Variants in MAPK4 observed in about 807,000 individuals in gnomAD.
The protein encoded by MAPK4 is mitogen-activated protein kinase 4.
A neutral mutation model predicts 47.7 loss-of-function variants in MAPK4; 22 were observed. The observed-to-expected ratio is 0.46, with a 90% confidence interval of 0.33 to 0.66. The LOEUF is 0.66. Among genes scored for constraint, MAPK4 ranks in the 30% least tolerant of loss-of-function variants. MAPK4 has a pLI of 0.02. For missense variants in MAPK4, 736 were observed against 831.7 expected (o/e 0.88, Z 1.42); for synonymous variants, 390 against 365.7 (o/e 1.07, Z -0.76).
intron 1 of MAPK4, among the ~76,000 whole-genome samples, chr18:50,580,797 G>A (rs191229450): frequency 6.8e-4 from 104 of 152,246 alleles, no homozygotes; most frequent in African/African-American, 2.4e-3. Context: ...CGCCTCCTCC[G>A]ATACTAGTAA....
chr18:50,659,148 G>T (rs924050658), intron 1 of MAPK4, among the ~76,000 whole-genome samples: 1 of 152,166 alleles, frequency 6.6e-6, no homozygotes, highest in Non-Finnish European at 1.5e-5. Context: ...TTGTTATCTG[G>T]CTCGTTATAG....
chr18:50,607,750 T>G lies in MAPK4; in HGVS notation c.-871+47507T>G, dbSNP rs76019773. Among the ~76,000 whole-genome samples, 485 of 152,372 alleles carry G rather than the reference T, an allele frequency of 3.2e-3. 2 individuals carry two copies. Among genetic ancestry groups the G allele is most frequent in the African/African-American group, 0.011 (475 of 41,594 alleles). ...TTCCATTCTCAGCCATGTTCATGTCTTTTTTGACAGGAAAAAATCATTTAT... is the reference window on the plus strand; with the variant it reads ...TTCCATTCTCAGCCATGTTCATGTCGTTTTTGACAGGAAAAAATCATTTAT... On this transcript the variant is annotated intron_variant, in intron 1 of 5. Transcript: ENST00000400384.
At chr18:50,665,483 A>G (rs1907549375) in intron 2 of MAPK4, among the ~76,000 whole-genome samples, 1 of 152,190 alleles carries the variant, frequency 6.6e-6, no homozygotes. Flanking sequence ...GGTGTACAGT[A>G]GTCTGTTATC....
intron 1 of MAPK4, among the ~76,000 whole-genome samples, chr18:50,632,531 G>A (rs914712521): frequency 1.3e-5 from 2 of 151,330 alleles, no homozygotes; most frequent in African/African-American, 4.9e-5. Flanking sequence ...GTCATGTTCT[G>A]TGTCTCGTTA....
chr18:50,672,445 G>T (rs1443356077), intron 2 of MAPK4, among the ~76,000 whole-genome samples: 1 of 152,150 alleles, frequency 6.6e-6, no homozygotes, highest in Non-Finnish European at 1.5e-5. Context: ...GGCTGTACTT[G>T]AGAGTCAGGT....
intron 2 of MAPK4, among the ~76,000 whole-genome samples, chr18:50,683,408 C>T (rs1256908706): frequency 6.6e-6 from 1 of 151,498 alleles, no homozygotes; most frequent in Non-Finnish European, 1.5e-5. Context: ...CAAGCTTGAG[C>T]TACCACTCCT....
chr18:50,582,476 C>T (rs2042354265), intron 1 of MAPK4, among the ~76,000 whole-genome samples: 1 of 152,250 alleles, frequency 6.6e-6, no homozygotes, highest in African/African-American at 2.4e-5. Context: ...AGAATTCCTG[C>T]ACTGGGCAGG....
At chr18:50,639,381 C>T (rs17804574) in intron 1 of MAPK4, among the ~76,000 whole-genome samples, 46,933 of 151,972 alleles carry the variant, frequency 0.31, 7,721 homozygotes, top group East Asian at 0.48. Context: ...ACTGAGTGGG[C>T]TCTGAGAGTT....
chr18:50,659,712 G>C (rs898843557), intron 1 of MAPK4, among the ~76,000 whole-genome samples: 1 of 152,198 alleles, frequency 6.6e-6, no homozygotes, highest in Admixed American at 6.5e-5. Context: ...GTTTTATTAC[G>C]ATGCCCAGCC....
chr18:50,726,045 A>T lies in MAPK4; in HGVS notation c.937A>T (p.Ser313Cys). 1 of 1,614,014 alleles carries T rather than the reference A, an allele frequency of 6.2e-7. No individual in the cohort carries two copies. The highest frequency in any genetic ancestry group is 8.5e-7 in the Non-Finnish European group (1 of 1,179,998). Residue 313 changes from serine (S) to cysteine (C), a missense_variant, in exon 5 of 6, where the codon AGC (serine) becomes TGC (cysteine). Around this residue, in one of 3 missense-constraint regions of MAPK4, gnomAD observed 32 missense variants for 57.7 expected, o/e 0.55. Coordinates refer to ENST00000400384, the MANE Select transcript of MAPK4 (RefSeq NM_002747.4). ...AEMGLQHPYM[S>C]PYSCPEDEPT... ...GATGGGGCTGCAACACCCCTACATG[A>T]GCCCATACTCGTGCCCTGAGGACGA...
intron 2 of MAPK4, among the ~76,000 whole-genome samples, chr18:50,670,850 T>A (rs1398460364): frequency 1.3e-5 from 2 of 151,846 alleles, no homozygotes; most frequent in Non-Finnish European, 2.9e-5. Context: ...TTATTAGAGA[T>A]ACAGATTCCC....
chr18:50,699,894 A>G (rs1372538264), intron 2 of MAPK4, among the ~76,000 whole-genome samples: 1 of 152,218 alleles, frequency 6.6e-6, no homozygotes, highest in African/African-American at 2.4e-5. Context: ...AGGTCTGGGA[A>G]GCTCCCAAAT....
Position 50,702,161 on chromosome 18 carries a change from C to CAAAA in MAPK4, c.547-12899_547-12896dup, listed in dbSNP as rs36001271. ...TGGGTGATGGAGAGAGATTCTGTCTCAAAAAAAAAAAAAAAAAAAAAATCA... is the reference window on the plus strand; with the variant it reads ...TGGGTGATGGAGAGAGATTCTGTCTCAAAAAAAAAAAAAAAAAAAAAAAAAATCA... On this transcript the variant is annotated intron_variant, in intron 2 of 5. Coordinates refer to ENST00000400384, the MANE Select transcript of MAPK4 (RefSeq NM_002747.4). Among the ~76,000 whole-genome samples, 336 of 95,812 alleles carry CAAAA rather than the reference C, an allele frequency of 3.5e-3. 5 individuals carry two copies. Among genetic ancestry groups the CAAAA allele is most frequent in the East Asian group, 0.012 (36 of 3,098 alleles). 62.9% of individuals were successfully genotyped at this position (95,812 alleles called of 152,430 possible).
At chr18:50,567,564 C>A (rs1435662928) in intron 1 of MAPK4, among the ~76,000 whole-genome samples, 1 of 152,152 alleles carries the variant, frequency 6.6e-6, no homozygotes, top group African/African-American at 2.4e-5. Context: ...ACCAGTTTAC[C>A]TTATATTGAT....
intron 1 of MAPK4, among the ~76,000 whole-genome samples, chr18:50,643,059 C>T (rs1347595990): frequency 6.6e-6 from 1 of 152,206 alleles, no homozygotes; most frequent in East Asian, 1.9e-4. Flanking sequence ...TTTTCCTTCC[C>T]TCGTTCTTTC....
intron 1 of MAPK4, among the ~76,000 whole-genome samples, chr18:50,636,133 G>T (rs1240245577): frequency 1.3e-5 from 2 of 152,150 alleles, no homozygotes; most frequent in Non-Finnish European, 2.9e-5. Flanking sequence ...TCCTTGCCTA[G>T]TTAATTTCTG....
Position 50,729,180 on chromosome 18 carries a change from G to C in MAPK4, c.1090G>C (p.Asp364His). Reference protein sequence around the residue: ...SSRYPVSLSSDLEWRPDRCQD... With the variant: ...SSRYPVSLSSHLEWRPDRCQD... ...CAGGTACCCTGTGAGCCTGTCGTCGGACCTGGAGTGGCGGCCTGACCGGTG... is the reference window on the plus strand; with the variant it reads ...CAGGTACCCTGTGAGCCTGTCGTCGCACCTGGAGTGGCGGCCTGACCGGTG... The change falls in exon 6 of 6, where the codon GAC (aspartate) becomes CAC (histidine). Residue 364 changes from aspartate to histidine, a missense_variant. Physicochemically the swap from Asp to His is moderately conservative, Grantham distance 81. Coordinates refer to ENST00000400384, the MANE Select transcript of MAPK4 (RefSeq NM_002747.4). 1 of 1,588,268 alleles carries C rather than the reference G, an allele frequency of 6.3e-7. No homozygotes were observed. The highest frequency in any genetic ancestry group is 8.6e-7 in the Non-Finnish European group (1 of 1,160,302).
At chr18:50,679,431 C>T (rs1395373909) in intron 2 of MAPK4, among the ~76,000 whole-genome samples, 1 of 152,162 alleles carries the variant, frequency 6.6e-6, no homozygotes, top group East Asian at 1.9e-4. Flanking sequence ...AGAAATATTT[C>T]CTACAATTCA....
rs1365278823 is a variant in MAPK4, at chr18:50,664,063, G to A, written c.105G>A (p.Leu35=). Residue 35 remains leucine, a synonymous_variant, in exon 2 of 6, where the codon CTG becomes CTA. Coordinates refer to ENST00000400384, the MANE Select transcript of MAPK4 (RefSeq NM_002747.4). The surrounding 1 kb of genome is among the most constrained non-coding windows in gnomAD (Gnocchi z 6.0). ...PLGFGVNGLV[L]SAVDSRACRK... is the part of the protein sequence containing the mutation. ...GCTTCGGTGTCAATGGTTTGGTGCT[G>A]TCGGCCGTGGACAGCCGGGCCTGCC... 1.2e-6 allele frequency: 2 copies of A among 1,613,876 alleles called. No individual in the cohort carries two copies. Among genetic ancestry groups the A allele is most frequent in the South Asian group, 1.1e-5 (1 of 91,074 alleles).
Sources: gnomAD v4.1 joint callset for allele counts (sites outside exome capture counted in the v4.1 genomes callset) on GRCh38, gnomAD v4.1.1 for gene constraint, gnomAD v4.1.1 regional missense constraint, Gnocchi (gnomAD v3.1) non-coding constraint, MANE v1.5 for transcripts, NCBI Gene and HGNC (gene_info 2026-07-23, HGNC 2026-07-21) for gene names.